The following SMARCD3 variants were observed in gnomAD, a reference collection of about 807,000 sequenced individuals.
SMARCD3 encodes SWI/SNF related BAF chromatin remodeling complex subunit D3, also known as SWI/SNF-related matrix-associated actin-dependent regulator of chromatin subfamily D member 3.
SMARCD3 carries 14 observed loss-of-function variants against 58.0 expected under a neutral mutation model. That is an observed-to-expected ratio of 0.24 (90% confidence interval 0.16 to 0.38). The LOEUF (loss-of-function observed/expected upper bound fraction) is 0.38. SMARCD3 is among the 10% of genes least tolerant of loss of function. The pLI is 1.00. For missense variants in SMARCD3, 408 were observed against 636.9 expected (o/e 0.64, Z 3.87); for synonymous variants, 253 against 253.8 (o/e 1.00, Z 0.03).
chr7:151,242,650 C>G lies in SMARCD3; in HGVS notation c.457-47G>C, dbSNP rs766589628. 1.2e-6 allele frequency: 2 copies of G among 1,612,300 alleles called. No homozygotes were observed. Among genetic ancestry groups the G allele is most frequent in the East Asian group, 4.5e-5 (2 of 44,820 alleles). ...CCGGGCGAATGCTGTGTGCTCCCACCCCGACCACCCTGCTTCCCCATCCTG... is the reference window on the plus strand; with the variant it reads ...CCGGGCGAATGCTGTGTGCTCCCACGCCGACCACCCTGCTTCCCCATCCTG... On this transcript the variant is annotated intron_variant, in intron 4 of 12. Transcript: ENST00000262188. This position sits in a 1 kb window ranked among gnomAD's most constrained non-coding sequence, Gnocchi z 4.7.
At position 151,245,340 on chromosome 7, in the gene SMARCD3, C is replaced by A. The variant is rs1020841851; in HGVS notation, c.290+120G>T. ...AGAGGGCATTCGACCCGGGAAGCCT[C>A]GCTCCCTGCTAATCATTCTTCCTCG... On this transcript the variant is annotated intron_variant, in intron 2 of 12. Coordinates refer to ENST00000262188, the MANE Select transcript of SMARCD3 (RefSeq NM_001003801.2). The surrounding 1 kb of genome is among the most constrained non-coding windows in gnomAD (Gnocchi z 6.2). 2 of 412,116 alleles carry A rather than the reference C, an allele frequency of 4.9e-6. No individual in the cohort carries two copies. The highest frequency in any genetic ancestry group is 9.2e-5 in the Admixed American group (2 of 21,778). 25.5% of individuals were successfully genotyped at this position (412,116 alleles called of 1,614,324 possible).
At chr7:151,257,709 G>T (rs968272373) in intron 2 of SMARCD3, among the ~76,000 whole-genome samples, 1 of 152,040 alleles carries the variant, frequency 6.6e-6, no homozygotes, top group Non-Finnish European at 1.5e-5. Context: ...CTTGCCTCCC[G>T]GGTTGCTCCT....
chr7:151,259,600 A>ATTTTTTTTT (rs1563682239), intron 2 of SMARCD3, among the ~76,000 whole-genome samples: 1 of 67,918 alleles, frequency 1.5e-5, no homozygotes, highest in African/African-American at 7.8e-5. Context: ...ACAACCTGAG[A>ATTTTTTTTT]GTTTTTTTTT....
chr7:151,239,715 A>G lies in SMARCD3; in HGVS notation c.1205T>C (p.Leu402Pro). 6.2e-7 allele frequency: 1 copy of G among 1,613,768 alleles called. No individual in the cohort carries two copies. The highest frequency in any genetic ancestry group is 8.5e-7 in the Non-Finnish European group (1 of 1,179,892). ...IHETIESINQ[L>P]KIQRDFMLSF... ...TAGCATGAAGTCCCTCTGGATCTTG[A>G]GCTGGTTTATGGACTCAATCGTCTC... Residue 402 changes from leucine to proline, a missense_variant, in exon 11 of 13, where the codon CTC (leucine) becomes CCC (proline). Transcript: ENST00000262188. This position sits in a 1 kb window ranked among gnomAD's most constrained non-coding sequence, Gnocchi z 7.0.
At chr7:151,240,550 G>C in intron 8 of SMARCD3, 28 bp from the exon 9 acceptor site, 2 of 1,505,412 alleles carry the variant, frequency 1.3e-6, no homozygotes, top group Non-Finnish European at 1.8e-6. Flanking sequence ...GGGAGAGAGA[G>C]ATCACTCTTC....
At chr7:151,257,988 C>A (rs1272426643) in intron 2 of SMARCD3, among the ~76,000 whole-genome samples, 1 of 152,106 alleles carries the variant, frequency 6.6e-6, no homozygotes, top group East Asian at 1.9e-4. Context: ...CATGGTCGGT[C>A]CAAAATGAGC....
intron 2 of SMARCD3, among the ~76,000 whole-genome samples, chr7:151,269,660 G>C (rs1795101026): frequency 6.6e-6 from 1 of 152,162 alleles, no homozygotes; most frequent in South Asian, 2.1e-4. Context: ...GGCAGGCTGG[G>C]ACCTGCAACC....
intron 8 of SMARCD3, 112 bp from the exon 9 acceptor site, chr7:151,240,634 T>G (rs1802934990): frequency 1.3e-6 from 1 of 754,618 alleles, no homozygotes; most frequent in Non-Finnish European, 2.2e-6. Context: ...GAAGTCTGAT[T>G]CCTCAGTGCG....
At position 151,239,426 on chromosome 7, in the gene SMARCD3, C is replaced by T. The variant is rs143223810; in HGVS notation, c.1368G>A (p.Gln456=). 1.4e-4 allele frequency: 227 copies of T among 1,613,668 alleles called. 1 individual carries two copies. The highest frequency in any genetic ancestry group is 1.8e-4 in the Non-Finnish European group (218 of 1,179,944). ...RAEFYHQPWS[Q]EAVSRYFYCK... is the part of the protein sequence containing the mutation. ...AGTAGAAGTAGCGACTGACGGCCTC[C>T]TGGGACCAGGGCTGGTGGTAGAACT... Residue 456 remains glutamine, a synonymous_variant, in exon 12 of 13, where the codon CAG becomes CAA. Transcript: ENST00000262188. This position sits in a 1 kb window ranked among gnomAD's most constrained non-coding sequence, Gnocchi z 7.0.
intron 2 of SMARCD3, among the ~76,000 whole-genome samples, chr7:151,259,496 A>G (rs113904972): frequency 0.073 from 10,995 of 151,072 alleles, 1,369 homozygotes; most frequent in African/African-American, 0.25. Context: ...GGCACATGGC[A>G]GAACCTCCAA....
At chr7:151,274,003 T>C (rs1009064016) in intron 2 of SMARCD3, among the ~76,000 whole-genome samples, 2 of 152,280 alleles carry the variant, frequency 1.3e-5, no homozygotes, top group Admixed American at 6.5e-5. Flanking sequence ...ACTTTCATTC[T>C]GCCCACAGCC....
intron 2 of SMARCD3, among the ~76,000 whole-genome samples, chr7:151,265,797 G>A (rs1262568880): frequency 6.6e-6 from 1 of 152,094 alleles, no homozygotes; most frequent in African/African-American, 2.4e-5. Context: ...TCTCTCACTG[G>A]GTTATTGTGA....
At chr7:151,270,797 G>C (rs1204671665) in intron 2 of SMARCD3, among the ~76,000 whole-genome samples, 1 of 152,198 alleles carries the variant, frequency 6.6e-6, no homozygotes, top group Non-Finnish European at 1.5e-5. Context: ...GCCGGGGTCT[G>C]ATGCAGGGAC....
chr7:151,241,606 C>T lies in SMARCD3; in HGVS notation c.825G>A (p.Leu275=), dbSNP rs1410581221. 1 of 1,611,064 alleles carries T rather than the reference C, an allele frequency of 6.2e-7. No individual in the cohort carries two copies. Reference sequence around the variant, plus strand: ...CAATGGCTGAGCGGCTCTGTGTGTGCAGCCCCAGCAGCCGGGCTAGGCGGG... The same window carrying T: ...CAATGGCTGAGCGGCTCTGTGTGTGTAGCCCCAGCAGCCGGGCTAGGCGGG... ...LDPRLARLLG[L]HTQSRSAIVQ... The change falls in exon 8 of 13, where the codon CTG becomes CTA. Residue 275 remains leucine, a synonymous_variant. Coordinates refer to ENST00000262188, the MANE Select transcript of SMARCD3 (RefSeq NM_001003801.2). The surrounding 1 kb of genome is among the most constrained non-coding windows in gnomAD (Gnocchi z 5.3).
intron 9 of SMARCD3, 55 bp from the exon 10 acceptor site, chr7:151,240,302 C>T (rs1802909864): frequency 6.2e-7 from 1 of 1,611,324 alleles, no homozygotes; most frequent in Non-Finnish European, 8.5e-7. Flanking sequence ...GGCCCCAGGG[C>T]CCCGGGGCTG....
At chr7:151,259,600 A>AGTTTTTTTTTTTT (rs1563682257) in intron 2 of SMARCD3, among the ~76,000 whole-genome samples, 2 of 67,918 alleles carry the variant, frequency 2.9e-5, no homozygotes, top group African/African-American at 1.6e-4. Context: ...ACAACCTGAG[A>AGTTTTTTTTTTTT]GTTTTTTTTT....
Position 151,241,428 on chromosome 7 carries a change from G to T in SMARCD3, c.939+64C>A. ...GAGGGGTGGTAGTTACCTTGGTAGA[G>T]GTACTTCCCCTGCTGGAGAACTCCG... On this transcript the variant is annotated intron_variant, in intron 8 of 12. Transcript: ENST00000262188. The surrounding 1 kb of genome is among the most constrained non-coding windows in gnomAD (Gnocchi z 5.3). 1 of 1,406,036 alleles carries T rather than the reference G, an allele frequency of 7.1e-7. No individual in the cohort carries two copies. The highest frequency in any genetic ancestry group is 9.9e-7 in the Non-Finnish European group (1 of 1,005,610). 87.1% of individuals were successfully genotyped at this position (1,406,036 alleles called of 1,614,324 possible).
At chr7:151,248,743 G>A, upstream of SMARCD3, 3 of 1,142,982 alleles carry the variant, frequency 2.6e-6, no homozygotes, top group Non-Finnish European at 2.2e-6. The surrounding 1 kb of genome is among the most constrained non-coding windows in gnomAD (Gnocchi z 6.1). Context: ...GGCCCACGCC[G>A]CCGCCGCCCG....
intron 2 of SMARCD3, among the ~76,000 whole-genome samples, chr7:151,263,514 C>T (rs1453714776): frequency 6.6e-6 from 1 of 152,198 alleles, no homozygotes; most frequent in Non-Finnish European, 1.5e-5. Context: ...TGCCCATCTA[C>T]ATCGCCATAT....
Sources: allele counts gnomAD v4.1 joint callset (sites outside exome capture counted in the v4.1 genomes callset), GRCh38; gene constraint gnomAD v4.1.1; non-coding constraint Gnocchi (gnomAD v3.1); transcripts MANE v1.5; gene names NCBI Gene and HGNC (gene_info 2026-07-23, HGNC 2026-07-21).